Variants in PAFAH1B1 observed in about 807,000 individuals in gnomAD.
The protein encoded by PAFAH1B1 is platelet-activating factor acetylhydrolase IB subunit beta.
PAFAH1B1 carries 2 observed loss-of-function variants against 57.5 expected under a neutral mutation model. The observed-to-expected ratio is 0.03, with a 90% CI of 0.01 to 0.11. PAFAH1B1 has a LOEUF of 0.11. Among genes scored for constraint, PAFAH1B1 ranks in the 10% least tolerant of loss-of-function variants. The probability of loss-of-function intolerance (pLI) is 1.00; values close to 1 mark genes in which losing one functional copy is unlikely to be tolerated. For missense variants in PAFAH1B1, 257 were observed against 512.0 expected (o/e 0.50, Z 4.81); for synonymous variants, 152 against 169.6 (o/e 0.90, Z 0.81).
At chr17:2,635,953 CA>C (rs560825633) in intron 1 of PAFAH1B1, among the ~76,000 whole-genome samples, 6,026 of 70,868 alleles carry the variant, frequency 0.085, 169 homozygotes, top group Admixed American at 0.16. Flanking sequence ...TAGAAAAATA[CA>C]AAAAAAAAAA....
rs566611222 is a variant in PAFAH1B1, at chr17:2,664,107, T to C, written c.33-1265T>C. On this transcript the variant is annotated intron_variant, in intron 2 of 10. Coordinates refer to ENST00000397195, the MANE Select transcript of PAFAH1B1 (RefSeq NM_000430.4). ...CCCTGTAATTATTATACGTTGATTT[T>C]TGGCATGCTCATAATTACCTGGAAC... is the stretch of plus-strand genomic sequence containing the variant. Among the ~76,000 whole-genome samples the C allele has an allele frequency of 2.0e-5, 3 of 152,348 alleles. No individual in the cohort carries two copies. In the East Asian group the frequency reaches 5.8e-4, roughly 29 times the overall value.
intron 2 of PAFAH1B1, among the ~76,000 whole-genome samples, chr17:2,645,926 A>G (rs1045133076): frequency 4.6e-5 from 7 of 152,048 alleles, no homozygotes; most frequent in Non-Finnish European, 1.0e-4. Flanking sequence ...ATTTCTAAAT[A>G]GCTAAGGAGT....
intron 1 of PAFAH1B1, among the ~76,000 whole-genome samples, chr17:2,604,387 T>C (rs1037593729): frequency 6.6e-6 from 1 of 152,188 alleles, no homozygotes; most frequent in African/African-American, 2.4e-5. Context: ...GTGTACTTGG[T>C]ATTTTAAAGC....
At chr17:2,673,825 A>G (rs2069220981) in intron 7 of PAFAH1B1, 1 of 496,690 alleles carries the variant, frequency 2.0e-6, no homozygotes, top group Non-Finnish European at 3.6e-6. Context: ...GTTTTGAAAG[A>G]TTTTATTTCT....
intron 7 of PAFAH1B1, among the ~76,000 whole-genome samples, chr17:2,673,428 A>C (rs2069210354): frequency 6.6e-6 from 1 of 151,974 alleles, no homozygotes; most frequent in Admixed American, 6.6e-5. Flanking sequence ...TCATGAGGTC[A>C]GGAGATCGAG....
chr17:2,664,665 G>GCTCGCTCTCTCTCTCTCTCTCTCT (rs1555526142), intron 2 of PAFAH1B1, among the ~76,000 whole-genome samples: 4 of 86,086 alleles, frequency 4.6e-5, no homozygotes, highest in South Asian at 4.4e-4. Context: ...TCTATCTATC[G>GCTCGCTCTCTCTCTCTCTCTCTCT]CTCTCTCTCT....
At chr17:2,599,615 T>C (rs951363777) in intron 1 of PAFAH1B1, among the ~76,000 whole-genome samples, 2 of 152,210 alleles carry the variant, frequency 1.3e-5, no homozygotes, top group African/African-American at 4.8e-5. Context: ...TTTGTAATAG[T>C]TGACTCCGGT....
intron 2 of PAFAH1B1, among the ~76,000 whole-genome samples, chr17:2,645,880 A>G (rs1369971745): frequency 1.3e-5 from 2 of 151,918 alleles, no homozygotes; most frequent in East Asian, 3.9e-4. Flanking sequence ...CTAGGATTAC[A>G]GGCATGAGCC....
At chr17:2,624,189 G>A (rs774165097) in intron 1 of PAFAH1B1, among the ~76,000 whole-genome samples, 1 of 152,088 alleles carries the variant, frequency 6.6e-6, no homozygotes, top group African/African-American at 2.4e-5. Context: ...GGACCTTATT[G>A]TTCATATCAC....
chr17:2,651,161 T>C (rs2068844329), intron 2 of PAFAH1B1, among the ~76,000 whole-genome samples: 1 of 152,212 alleles, frequency 6.6e-6, no homozygotes, highest in Non-Finnish European at 1.5e-5. Flanking sequence ...AAACATTTAT[T>C]GAATAGCCCT....
chr17:2,666,167 A>C (rs996560287), intron 4 of PAFAH1B1, 77 bp downstream of exon 4: 17 of 1,192,518 alleles, frequency 1.4e-5, no homozygotes, highest in Admixed American at 1.1e-4. Context: ...CTTCTGCATT[A>C]ATTAATAATT....
chr17:2,633,126 T>C (rs1203885683), intron 1 of PAFAH1B1, among the ~76,000 whole-genome samples: 1 of 152,080 alleles, frequency 6.6e-6, no homozygotes, highest in East Asian at 1.9e-4. Context: ...CTGTGGTCTT[T>C]TTCTCCACCA....
In PAFAH1B1 at chr17:2,683,866, CATTT is replaced by C. The variant is rs1221077429; in HGVS notation, c.*2065_*2068del. 4 of 152,716 alleles carry C rather than the reference CATTT, an allele frequency of 2.6e-5. No individual in the cohort carries two copies. In the East Asian group the frequency reaches 5.8e-4, roughly 22 times the overall value. 9.5% of individuals were successfully genotyped at this position (152,716 alleles called of 1,614,324 possible). On this transcript the variant is annotated 3_prime_UTR_variant, in exon 11 of 11. Coordinates refer to ENST00000397195, the MANE Select transcript of PAFAH1B1 (RefSeq NM_000430.4). ...AATACATAGAAATGGTGCATCTTAA[CATTT>C]GTTTGTACATGTATAAATGTCTTGT...
rs539406882 is a variant in PAFAH1B1, at chr17:2,649,233, T to C, written c.32+10913T>C. Among the ~76,000 whole-genome samples the C allele has an allele frequency of 2.4e-5, 3 of 124,354 alleles. No homozygotes were observed. The Admixed American group carries it at 2.5e-4, about 10-fold the overall frequency. The allele number at this position is 124,354 out of a possible 152,430, so 81.6% of individuals were successfully genotyped here. A position where few individuals can be genotyped will look rare whatever the true frequency, so the allele number is the denominator to read the frequency against. ...CTGTCTCAAAAAAAAAAAAAAAAAA[T>C]TAATGGGTTTAGTATGGTAACCTGA... On this transcript the variant is annotated intron_variant, in intron 2 of 10. Coordinates refer to ENST00000397195, the MANE Select transcript of PAFAH1B1 (RefSeq NM_000430.4).
At chr17:2,601,329 G>A (rs1198276987) in intron 1 of PAFAH1B1, among the ~76,000 whole-genome samples, 3 of 151,478 alleles carry the variant, frequency 2.0e-5, no homozygotes, top group Non-Finnish European at 4.4e-5. Context: ...TAGAGATGGG[G>A]GGTCTCTGTT....
At chr17:2,596,705 T>G (rs1056263552) in intron 1 of PAFAH1B1, among the ~76,000 whole-genome samples, 1 of 152,190 alleles carries the variant, frequency 6.6e-6, no homozygotes, top group African/African-American at 2.4e-5. Context: ...AGGTTGGGAA[T>G]GATAATTCAC....
rs781055682 is a variant in PAFAH1B1 at position 2,676,555 on chromosome 17, C to T, written c.951C>T (p.Asp317=). 3.7e-6 allele frequency: 6 copies of T among 1,613,300 alleles called. No homozygotes were observed. The South Asian group carries it at 6.6e-5, about 18-fold the overall frequency. ...CATTCTTGCTGTCTGGATCCAGAGA[C>T]AAGACTATTAAGATGTGGGATGTCA... is the stretch of plus-strand genomic sequence containing the variant. ...PGPFLLSGSR[D]KTIKMWDVST... The change falls in exon 9 of 11, where the codon GAC becomes GAT. Residue 317 remains aspartate, a synonymous_variant. Coordinates refer to ENST00000397195, the MANE Select transcript of PAFAH1B1 (RefSeq NM_000430.4).
At chr17:2,619,847 G>A (rs1029173708) in intron 1 of PAFAH1B1, among the ~76,000 whole-genome samples, 2 of 152,226 alleles carry the variant, frequency 1.3e-5, no homozygotes, top group South Asian at 2.1e-4. Context: ...TGGTTTGATC[G>A]TAGCTCACTG....
rs201916049 is a variant in PAFAH1B1 at position 2,603,652 on chromosome 17, TAC to T, written c.-191+9656_-191+9657del. On this transcript the variant is annotated intron_variant, in intron 1 of 10. Coordinates refer to ENST00000397195, the MANE Select transcript of PAFAH1B1 (RefSeq NM_000430.4). ...AAAAAAAAAAGTATGTATATATGTA[TAC>T]ACACACACATTTTTGTTTTTATTCA... Among the ~76,000 whole-genome samples, 51 of 151,650 alleles carry T rather than the reference TAC, an allele frequency of 3.4e-4. 2 individuals carry two copies. The East Asian group carries it at 8.3e-3, about 25-fold the overall frequency.
Sources: allele counts gnomAD v4.1 joint callset (sites outside exome capture counted in the v4.1 genomes callset), GRCh38; gene constraint gnomAD v4.1.1; transcripts MANE v1.5; gene names NCBI Gene and HGNC (gene_info 2026-07-23, HGNC 2026-07-21).